Variants in S100A10 observed in about 807,000 individuals in gnomAD.
S100A10 encodes S100 calcium binding protein A10, also known as protein S100-A10.
In S100A10, 3 loss-of-function variants were observed where a neutral mutation model predicts 7.1. That is an observed-to-expected ratio of 0.42 (90% CI 0.19 to 1.10). The LOEUF is 1.10. Among genes scored for constraint, S100A10 ranks in the 50% least tolerant of loss-of-function variants. S100A10 has a pLI of 0.29. For synonymous variants in S100A10, 41 were observed against 39.3 expected (o/e 1.04, Z -0.16); for missense variants, 101 against 118.1 (o/e 0.86, Z 0.67).
intron 1 of S100A10, among the ~76,000 whole-genome samples, chr1:151,987,391 T>C (rs1313025305): frequency 2.6e-5 from 4 of 152,150 alleles, no homozygotes; most frequent in African/African-American, 9.7e-5. Flanking sequence ...TTCTTAGATA[T>C]GGCTGATACT....
At chr1:151,990,156 C>T (rs116752779) in intron 1 of S100A10, among the ~76,000 whole-genome samples, 2,223 of 152,176 alleles carry the variant, frequency 0.015, 65 homozygotes, top group African/African-American at 0.05. Context: ...CTCAGGAGGA[C>T]GATGTGAGAG....
Position 151,985,776 on chromosome 1 carries a change from C to T in S100A10, c.132+323G>A, listed in dbSNP as rs139576416. On this transcript the variant is annotated intron_variant, in intron 2 of 2. Transcript: ENST00000368811. ...ATCGTCACAACAGACACAGATAACC[C>T]GATGGAATTTTCCAACAAACAGCTC... Among the ~76,000 whole-genome samples the T allele has an allele frequency of 2.2e-4, 34 of 152,246 alleles. No homozygotes were observed. The East Asian group carries it at 5.8e-3, about 26-fold the overall frequency.
chr1:151,988,533 A>T (rs1265358840), intron 1 of S100A10, among the ~76,000 whole-genome samples: 8 of 152,196 alleles, frequency 5.3e-5, no homozygotes, highest in Non-Finnish European at 8.8e-5. Context: ...ACACTTAAGA[A>T]TTGTAAATTC....
At chr1:151,992,959 G>T (rs1655937865) in intron 1 of S100A10, among the ~76,000 whole-genome samples, 1 of 152,192 alleles carries the variant, frequency 6.6e-6, no homozygotes, top group African/African-American at 2.4e-5. Flanking sequence ...CCAAAGGCAC[G>T]TCTGTCTGTT....
chr1:151,987,085 G>A (rs922584358), intron 1 of S100A10, among the ~76,000 whole-genome samples: 27 of 120,684 alleles, frequency 2.2e-4, no homozygotes, highest in African/African-American at 8.5e-4. Flanking sequence ...TGCCCAGGCT[G>A]GAGTGCAGTG....
chr1:151,986,285 T>C, intron 1 of S100A10, 34 bp from the exon 2 acceptor site: 1 of 1,485,338 alleles, frequency 6.7e-7, no homozygotes, highest in Non-Finnish European at 9.0e-7. Context: ...GGGTCTACAT[T>C]AACTTTTTTT....
In S100A10 at chr1:151,993,779, C is replaced by G. The variant is rs1655964194; in HGVS notation, c.-49G>C. ...TGGCCGAGGCGCGGCGGACGCTGGG[C>G]GAGCTGGGCGAGCTGGACGCGGGGC... is the stretch of plus-strand genomic sequence containing the variant. On this transcript the variant is annotated 5_prime_UTR_variant, in exon 1 of 3. Transcript: ENST00000368811. This position sits in a 1 kb window ranked among gnomAD's most constrained non-coding sequence, Gnocchi z 5.1. The G allele has an allele frequency of 6.4e-6, 1 of 156,510 alleles. No individual in the cohort carries two copies. The highest frequency in any genetic ancestry group is 2.4e-5 in the African/African-American group (1 of 41,590). The allele number at this position is 156,510 out of a possible 1,614,324, so 9.7% of individuals were successfully genotyped here.
intron 2 of S100A10, among the ~76,000 whole-genome samples, chr1:151,983,789 C>T (rs1655742246): frequency 6.6e-6 from 1 of 152,176 alleles, no homozygotes; most frequent in Non-Finnish European, 1.5e-5. Context: ...AGTGTGGCTT[C>T]ATATCATATT....
rs758271723 is a variant in S100A10, at chr1:151,983,253, G to C, written c.204C>G (p.Gly68=). 6.2e-7 allele frequency: 1 copy of C among 1,606,532 alleles called. No homozygotes were observed. Among genetic ancestry groups the C allele is most frequent in the East Asian group, 2.2e-5 (1 of 44,456 alleles). Residue 68 remains glycine, a synonymous_variant, in exon 3 of 3, where the codon GGC becomes GGG. Transcript: ENST00000368811. ...DLDQCRDGKV[G]FQSFFSLIAG... ...CAATTAGGGAAAAGAAGCTCTGGAA[G>C]CCCACTTTGCCATCTCTACACTGGT...
intron 2 of S100A10, among the ~76,000 whole-genome samples, chr1:151,984,832 G>C (rs1398586100): frequency 6.6e-6 from 1 of 152,168 alleles, no homozygotes; most frequent in African/African-American, 2.4e-5. Flanking sequence ...ATTTTACAGG[G>C]GAGGAAACTG....
chr1:151,989,733 G>C lies in S100A10; in HGVS notation c.-21-3482C>G, dbSNP rs3007706. ...GGGTGGGGCTTGCCTGGGCAGGGCT[G>C]TCTGCAGCACTGCTAGCTGCCAAAA... On this transcript the variant is annotated intron_variant, in intron 1 of 2. Transcript: ENST00000368811. Among the ~76,000 whole-genome samples, 796 of 152,324 alleles carry C rather than the reference G, an allele frequency of 5.2e-3. 5 individuals carry two copies. Among genetic ancestry groups the C allele is most frequent in the African/African-American group, 0.018 (763 of 41,564 alleles).
intron 1 of S100A10, among the ~76,000 whole-genome samples, chr1:151,990,089 T>C (rs1167026831): frequency 1.3e-5 from 2 of 152,218 alleles, no homozygotes; most frequent in Non-Finnish European, 2.9e-5. Flanking sequence ...CCTTGGGCAG[T>C]AGCTGAGGTG....
chr1:151,987,027 CTTTTTTTTTTTTTTTT>C (rs386368314), intron 1 of S100A10, among the ~76,000 whole-genome samples: 1 of 83,526 alleles, frequency 1.2e-5, no homozygotes, highest in African/African-American at 4.8e-5. Flanking sequence ...CAGTGTTCCT[CTTTTTTTTTTTTTTTT>C]TTTTTTTTTT....
intron 1 of S100A10, among the ~76,000 whole-genome samples, chr1:151,990,657 T>C (rs1369852122): frequency 6.6e-6 from 1 of 152,198 alleles, no homozygotes; most frequent in Non-Finnish European, 1.5e-5. Context: ...CCAGACATGG[T>C]GTTAGGCATG....
intron 1 of S100A10, among the ~76,000 whole-genome samples, chr1:151,988,181 T>A (rs915668705): frequency 6.6e-6 from 1 of 152,224 alleles, no homozygotes; most frequent in South Asian, 2.1e-4. Context: ...TGGTACTTAA[T>A]AGAACCTCAG....
In S100A10 at chr1:151,993,167, C is replaced by T. The variant is rs996859599; in HGVS notation, c.-22+585G>A. Among the ~76,000 whole-genome samples the T allele has an allele frequency of 6.6e-6, 1 of 152,178 alleles. No homozygotes were observed. Among genetic ancestry groups the T allele is most frequent in the African/African-American group, 2.4e-5 (1 of 41,442 alleles). On this transcript the variant is annotated intron_variant, in intron 1 of 2. Coordinates refer to ENST00000368811, the MANE Select transcript of S100A10 (RefSeq NM_002966.3). This position sits in a 1 kb window ranked among gnomAD's most constrained non-coding sequence, Gnocchi z 5.1. ...AAACAAGTGGACCTCCCTCCCTCAG[C>T]AGGAAGACCCTTTCCGTCGAGCAGA...
rs141834151 is a variant in S100A10, at chr1:151,986,914, C to A, written c.-21-663G>T. Reference sequence around the variant, plus strand: ...GGTCCCTTGTTGGTAGAAATAGACACCTCAGATACTGGTGCTGTAAATAAA... The same window carrying A: ...GGTCCCTTGTTGGTAGAAATAGACAACTCAGATACTGGTGCTGTAAATAAA... On this transcript the variant is annotated intron_variant, in intron 1 of 2. Transcript: ENST00000368811. 1.3e-3 allele frequency among the ~76,000 whole-genome samples: 198 copies of A among 152,196 alleles called. 4 individuals are homozygous for A. The East Asian group carries it at 0.026, about 20-fold the overall frequency.
chr1:151,991,563 A>G (rs1274338004), intron 1 of S100A10, among the ~76,000 whole-genome samples: 1 of 152,252 alleles, frequency 6.6e-6, no homozygotes, highest in Non-Finnish European at 1.5e-5. Flanking sequence ...GTTTAAAAGA[A>G]GTACATTCTT....
At position 151,993,119 on chromosome 1, in the gene S100A10, C is replaced by G. The variant is rs1655942453; in HGVS notation, c.-22+633G>C. On this transcript the variant is annotated intron_variant, in intron 1 of 2. Coordinates refer to ENST00000368811, the MANE Select transcript of S100A10 (RefSeq NM_002966.3). The surrounding 1 kb of genome is among the most constrained non-coding windows in gnomAD (Gnocchi z 5.1). The stretch of plus-strand genomic sequence containing the variant: ...CACACAGGGCCCTCTCCCACAAACC[C>G]CAGCCAAACTGCTGTAGAAAGAAAA... 6.6e-6 allele frequency among the ~76,000 whole-genome samples: 1 copy of G among 152,186 alleles called. No homozygotes were observed. Among genetic ancestry groups the G allele is most frequent in the African/African-American group, 2.4e-5 (1 of 41,448 alleles).
Sources: gnomAD v4.1 joint callset for allele counts (sites outside exome capture counted in the v4.1 genomes callset) on GRCh38, gnomAD v4.1.1 for gene constraint, Gnocchi (gnomAD v3.1) non-coding constraint, MANE v1.5 for transcripts, NCBI Gene and HGNC (gene_info 2026-07-23, HGNC 2026-07-21) for gene names.